The following LAPTM5 variants were observed in gnomAD, a reference collection of about 807,000 sequenced individuals.
LAPTM5 encodes the protein lysosomal protein transmembrane 5, also known as lysosomal-associated transmembrane protein 5.
LAPTM5 carries 11 observed loss-of-function variants against 30.1 expected under a neutral mutation model. The ratio of observed to expected loss-of-function variants is 0.37; its 90% CI spans 0.23 to 0.60. LAPTM5 has a LOEUF of 0.60. Among genes scored for constraint, LAPTM5 ranks in the 20% least tolerant of loss-of-function variants. The pLI, the probability that LAPTM5 is intolerant of heterozygous loss-of-function variation, is 0.71. For missense variants in LAPTM5, 324 were observed against 332.5 expected, an observed-to-expected ratio of 0.97 and a Z score of 0.20; for synonymous variants, 151 against 137.9, an observed-to-expected ratio of 1.10 and a Z score of -0.67.
At chr1:30,747,283 G>A (rs1640062420) in intron 1 of LAPTM5, among the ~76,000 whole-genome samples, 1 of 152,158 alleles carries the variant, frequency 6.6e-6, no homozygotes, top group African/African-American at 2.4e-5. Context: ...GTCCCTTCAG[G>A]GAAACTCAGA....
chr1:30,755,873 G>A (rs1018915107), intron 1 of LAPTM5, among the ~76,000 whole-genome samples: 3 of 152,296 alleles, frequency 2.0e-5, no homozygotes, highest in African/African-American at 4.8e-5. Flanking sequence ...ACAATCCTTC[G>A]TGGCAACAAC....
In LAPTM5 at chr1:30,733,615, A is replaced by C. The variant is rs775127366; in HGVS notation, c.*213T>G. The C allele has an allele frequency of 9.1e-6, 14 of 1,530,498 alleles. No individual in the cohort carries two copies. Among genetic ancestry groups the C allele is most frequent in the Non-Finnish European group, 2.6e-6 (3 of 1,144,126 alleles). 94.8% of individuals were successfully genotyped at this position (1,530,498 alleles called of 1,614,324 possible). ...CATTGTTGGGCTGAATTATGGAGAG[A>C]CCCGAGGAGTGACTCAGCCTAAAGC... On this transcript the variant is annotated 3_prime_UTR_variant, in exon 8 of 8. Coordinates refer to ENST00000294507, the MANE Select transcript of LAPTM5 (RefSeq NM_006762.3).
At chr1:30,751,116 G>A (rs549713819) in intron 1 of LAPTM5, among the ~76,000 whole-genome samples, 18 of 152,344 alleles carry the variant, frequency 1.2e-4, no homozygotes, top group South Asian at 2.1e-4. Flanking sequence ...GAGAAGTCTC[G>A]GCCAGGCCAG....
At chr1:30,744,708 A>C (rs1351168844) in intron 1 of LAPTM5, among the ~76,000 whole-genome samples, 2 of 152,076 alleles carry the variant, frequency 1.3e-5, no homozygotes, top group Non-Finnish European at 2.9e-5. Context: ...AAGTTGAGGG[A>C]GGAGCCCAAG....
At chr1:30,753,908 G>C (rs186963133) in intron 1 of LAPTM5, among the ~76,000 whole-genome samples, 7 of 152,184 alleles carry the variant, frequency 4.6e-5, no homozygotes, top group Non-Finnish European at 1.0e-4. Context: ...ATCTAAAACC[G>C]TTCTAAGTAC....
At chr1:30,737,380 C>T (rs568375383) in intron 6 of LAPTM5, among the ~76,000 whole-genome samples, 4 of 152,096 alleles carry the variant, frequency 2.6e-5, no homozygotes, top group African/African-American at 4.8e-5. Context: ...GACATCTGAA[C>T]GCAGGTGGCC....
intron 7 of LAPTM5, 146 bp from the exon 8 acceptor site, chr1:30,734,063 A>G: frequency 1.1e-6 from 1 of 890,176 alleles, no homozygotes; most frequent in Non-Finnish European, 1.7e-6. Flanking sequence ...TGTGCTAGAC[A>G]TTGCCTGCAT....
Position 30,733,708 on chromosome 1 carries a change from G to A in LAPTM5, c.*120C>T. 7 of 1,527,168 alleles carry A rather than the reference G, an allele frequency of 4.6e-6. No homozygotes were observed. The highest frequency in any genetic ancestry group is 6.1e-6 in the Non-Finnish European group (7 of 1,139,428). The allele number at this position is 1,527,168 out of a possible 1,614,324, so 94.6% of individuals were successfully genotyped here. A position where few individuals can be genotyped will look rare whatever the true frequency, so the allele number is the denominator to read the frequency against. Reference sequence around the variant, plus strand: ...CAGGCCAGCGAGGGAGACACAAGCAGATTGTCCTGCCAGGGAGGGGCGGGA... The same window carrying A: ...CAGGCCAGCGAGGGAGACACAAGCAAATTGTCCTGCCAGGGAGGGGCGGGA... On this transcript the variant is annotated 3_prime_UTR_variant, in exon 8 of 8. Coordinates refer to ENST00000294507, the MANE Select transcript of LAPTM5 (RefSeq NM_006762.3).
At chr1:30,749,962 T>C (rs1640108429) in intron 1 of LAPTM5, among the ~76,000 whole-genome samples, 2 of 152,160 alleles carry the variant, frequency 1.3e-5, no homozygotes, top group East Asian at 1.9e-4. Context: ...GGAAAGAGCA[T>C]GCAGGAGATG....
intron 7 of LAPTM5, among the ~76,000 whole-genome samples, chr1:30,734,432 G>A (rs1055828173): frequency 5.3e-5 from 8 of 152,126 alleles, no homozygotes; most frequent in African/African-American, 7.2e-5. Context: ...ATGGGCTTCC[G>A]GAAAATGAAG....
intron 5 of LAPTM5, among the ~76,000 whole-genome samples, chr1:30,738,214 G>C (rs966631442): frequency 6.6e-6 from 1 of 152,194 alleles, no homozygotes; most frequent in South Asian, 2.1e-4. Context: ...CTCCCCTTGA[G>C]TGTGGGCTGG....
At chr1:30,753,163 C>T (rs1640162298) in intron 1 of LAPTM5, among the ~76,000 whole-genome samples, 1 of 151,746 alleles carries the variant, frequency 6.6e-6, no homozygotes, top group South Asian at 2.1e-4. Flanking sequence ...CCAAAGCATA[C>T]AGTAAAGATC....
chr1:30,757,176 C>A (rs1640223301), intron 1 of LAPTM5, among the ~76,000 whole-genome samples: 1 of 152,350 alleles, frequency 6.6e-6, no homozygotes, highest in East Asian at 1.9e-4. Context: ...CACTTCTCAT[C>A]CCCTCGAGTG....
Position 30,739,627 on chromosome 1 carries a change from T to G in LAPTM5, c.387+182A>C, listed in dbSNP as rs559639160. ...CTGATGAGATGTGATTGCAGGTACA[T>G]TCCACAGAGGAAGAAACTTGGGGCA... is the stretch of plus-strand genomic sequence containing the variant. On this transcript the variant is annotated intron_variant, in intron 4 of 7. Coordinates refer to ENST00000294507, the MANE Select transcript of LAPTM5 (RefSeq NM_006762.3). The surrounding 1 kb of genome is among the most constrained non-coding windows in gnomAD (Gnocchi z 4.2). 1.3e-5 allele frequency among the ~76,000 whole-genome samples: 2 copies of G among 152,268 alleles called. No individual in the cohort carries two copies.
At chr1:30,735,838 T>G (rs1205112679) in intron 6 of LAPTM5, among the ~76,000 whole-genome samples, 2 of 152,106 alleles carry the variant, frequency 1.3e-5, no homozygotes, top group Non-Finnish European at 2.9e-5. Flanking sequence ...ACCCCCAGGA[T>G]GCCCCCTGAG....
At chr1:30,744,329 C>T (rs1477447188) in intron 1 of LAPTM5, among the ~76,000 whole-genome samples, 1 of 152,210 alleles carries the variant, frequency 6.6e-6, no homozygotes, top group East Asian at 1.9e-4. Flanking sequence ...GGCCAGGCCG[C>T]AGCCCCTCTC....
intron 2 of LAPTM5, 62 bp from the exon 3 acceptor site, chr1:30,741,778 C>T: frequency 7.9e-7 from 1 of 1,261,112 alleles, no homozygotes; most frequent in Non-Finnish European, 1.1e-6. Context: ...GCCAGGCTCC[C>T]AGGACCACAC....
chr1:30,744,498 G>C (rs1173864673), intron 1 of LAPTM5, among the ~76,000 whole-genome samples: 2 of 152,162 alleles, frequency 1.3e-5, no homozygotes, highest in South Asian at 2.1e-4. Context: ...GAAGGACCAT[G>C]AGCATCTGCC....
intron 1 of LAPTM5, among the ~76,000 whole-genome samples, chr1:30,744,599 C>T (rs2124187856): frequency 6.6e-6 from 1 of 152,318 alleles, no homozygotes; most frequent in South Asian, 2.1e-4. Flanking sequence ...TCTCAACCTC[C>T]CCTTGCTAGA....
Sources: allele counts gnomAD v4.1 joint callset (sites outside exome capture counted in the v4.1 genomes callset), GRCh38; gene constraint gnomAD v4.1.1; non-coding constraint Gnocchi (gnomAD v3.1); transcripts MANE v1.5; gene names NCBI Gene and HGNC (gene_info 2026-07-23, HGNC 2026-07-21).